The following CSMD1 variants were observed in gnomAD, a reference collection of about 807,000 sequenced individuals.
The protein encoded by CSMD1 is CUB and Sushi multiple domains 1.
CSMD1 carries 213 observed loss-of-function variants against 417.5 expected under a neutral mutation model. The observed-to-expected ratio is 0.51, with a 90% CI of 0.46 to 0.57. The LOEUF is 0.57. Among genes scored for constraint, CSMD1 ranks in the 20% least tolerant of loss-of-function variants. CSMD1 has a pLI of 0.00. For synonymous variants in CSMD1, 2,862 were observed against 1,736.8 expected (o/e 1.65, Z -16.11); for missense variants, 6,923 against 4,529.7 (o/e 1.53, Z -15.17).
chr8:4,305,821 C>T (rs1329430972), intron 3 of CSMD1, among the ~76,000 whole-genome samples: 1 of 152,158 alleles, frequency 6.6e-6, no homozygotes, highest in Non-Finnish European at 1.5e-5. Context: ...AAAACAACCT[C>T]TCATACTGTA....
intron 2 of CSMD1, among the ~76,000 whole-genome samples, chr8:4,578,824 A>C (rs1402252418): frequency 6.6e-6 from 1 of 150,600 alleles, no homozygotes; most frequent in African/African-American, 2.5e-5. Flanking sequence ...AAAAAAAAAA[A>C]AAAAACAAAC....
intron 48 of CSMD1, among the ~76,000 whole-genome samples, chr8:3,090,913 G>C (rs1023605571): frequency 1.3e-5 from 2 of 152,042 alleles, no homozygotes; most frequent in Non-Finnish European, 2.9e-5. Flanking sequence ...TGACTGATTT[G>C]ATCAATTTGT....
At chr8:3,314,329 C>T (rs967366303) in intron 23 of CSMD1, among the ~76,000 whole-genome samples, 4 of 152,080 alleles carry the variant, frequency 2.6e-5, no homozygotes, top group African/African-American at 4.8e-5. Context: ...AGAGATATTT[C>T]CATTTTAATG....
chr8:4,459,491 T>G (rs1057046626), intron 2 of CSMD1, among the ~76,000 whole-genome samples: 1 of 152,176 alleles, frequency 6.6e-6, no homozygotes, highest in African/African-American at 2.4e-5. Context: ...AAATCCAAGG[T>G]TGCTCTCAAA....
intron 10 of CSMD1, among the ~76,000 whole-genome samples, chr8:3,525,915 A>G (rs1029076477): frequency 6.6e-6 from 1 of 152,162 alleles, no homozygotes; most frequent in African/African-American, 2.4e-5. Flanking sequence ...CACCTACCAC[A>G]CACAAATCGT....
At chr8:2,960,910 G>T (rs986761555) in intron 62 of CSMD1, among the ~76,000 whole-genome samples, 3 of 132,052 alleles carry the variant, frequency 2.3e-5, no homozygotes, top group Non-Finnish European at 4.7e-5. Flanking sequence ...ATGAAATTAT[G>T]CATTATTCCA....
intron 4 of CSMD1, among the ~76,000 whole-genome samples, chr8:4,022,660 G>C (rs923635086): frequency 6.6e-6 from 1 of 152,162 alleles, no homozygotes; most frequent in Non-Finnish European, 1.5e-5. Context: ...CTCAGGGAGA[G>C]AAATGTGGTA....
At chr8:3,215,557 G>A (rs531215073) in intron 29 of CSMD1, among the ~76,000 whole-genome samples, 3 of 152,248 alleles carry the variant, frequency 2.0e-5, no homozygotes, top group East Asian at 3.9e-4. Flanking sequence ...CCACTTCTGG[G>A]GCCCCTCAAT....
chr8:4,292,948 C>T (rs536688929), intron 3 of CSMD1, among the ~76,000 whole-genome samples: 2 of 152,200 alleles, frequency 1.3e-5, no homozygotes, highest in East Asian at 3.9e-4. Context: ...AACAAGGGAC[C>T]CACAAAGCAC....
chr8:4,195,411 C>G (rs889264958), intron 3 of CSMD1, among the ~76,000 whole-genome samples: 2 of 152,054 alleles, frequency 1.3e-5, no homozygotes, highest in East Asian at 1.9e-4. Context: ...TTTGACCCAC[C>G]GATGCAAGAC....
intron 3 of CSMD1, among the ~76,000 whole-genome samples, chr8:4,290,816 T>C (rs1797320269): frequency 6.6e-6 from 1 of 152,230 alleles, no homozygotes; most frequent in African/African-American, 2.4e-5. Flanking sequence ...AATCACAATT[T>C]GTAATTAAAA....
chr8:3,095,383 T>C (rs968136543), intron 47 of CSMD1, among the ~76,000 whole-genome samples: 4 of 152,186 alleles, frequency 2.6e-5, no homozygotes, highest in Non-Finnish European at 4.4e-5. Context: ...CGTAATGAGT[T>C]ACTTCTCTCT....
Position 3,408,105 on chromosome 8 carries a change from A to T in CSMD1, c.1865T>A (p.Ile622Asn). 1 of 1,613,958 alleles carries T rather than the reference A, an allele frequency of 6.2e-7. No individual in the cohort carries two copies. The highest frequency in any genetic ancestry group is 8.5e-7 in the Non-Finnish European group (1 of 1,179,880). ...WLIISEPGSR[I>N]HLIFNDFDVE... ...ATCAAAATCATTAAAGATTAGGTGAATTCGACTTCCTGGCTCCGAGATAAT... is the reference window on the plus strand; with the variant it reads ...ATCAAAATCATTAAAGATTAGGTGATTTCGACTTCCTGGCTCCGAGATAAT... The change falls in exon 14 of 70, where the codon ATT (isoleucine) becomes AAT (asparagine). Residue 622 changes from isoleucine (I) to asparagine (N), a missense_variant. By Grantham distance (149) the Ile-to-Asn change is moderately radical (BLOSUM62 -3). Transcript: ENST00000635120.
chr8:3,329,120 T>C (rs930675003), intron 23 of CSMD1, among the ~76,000 whole-genome samples: 5 of 152,034 alleles, frequency 3.3e-5, no homozygotes, highest in Admixed American at 3.3e-4. Flanking sequence ...TGGCATAGAA[T>C]GGAGGTGGAA....
rs1803817954 is a variant in CSMD1, at chr8:4,141,960, TG to T, written c.416-109862del. Among the ~76,000 whole-genome samples the T allele has an allele frequency of 1.3e-5, 2 of 151,108 alleles. 1 individual carries two copies. Among genetic ancestry groups the T allele is most frequent in the African/African-American group, 5.0e-5 (2 of 40,400 alleles). On this transcript the variant is annotated intron_variant, in intron 3 of 69. Coordinates refer to ENST00000635120, the MANE Select transcript of CSMD1 (RefSeq NM_033225.6). The stretch of plus-strand genomic sequence containing the variant: ...CCAAAATAACATCATGGTGTTAATT[TG>T]TTTATAAATTATGACATTAAATTTC...
intron 2 of CSMD1, among the ~76,000 whole-genome samples, chr8:4,593,589 G>C (rs1022057365): frequency 1.3e-5 from 2 of 152,076 alleles, no homozygotes; most frequent in Admixed American, 6.6e-5. Flanking sequence ...AATGAAAGTA[G>C]AAAATAACAA....
chr8:4,824,428 C>A (rs1033457467), intron 1 of CSMD1, among the ~76,000 whole-genome samples: 3 of 151,924 alleles, frequency 2.0e-5, no homozygotes, highest in Non-Finnish European at 2.9e-5. Flanking sequence ...ACATGTGGTT[C>A]CGGGTAGAAA....
At chr8:4,294,971 A>T (rs1159457516) in intron 3 of CSMD1, among the ~76,000 whole-genome samples, 1 of 150,894 alleles carries the variant, frequency 6.6e-6, no homozygotes, top group African/African-American at 2.4e-5. Context: ...TATTTTTCTT[A>T]TATTTTGCCA....
rs538648513 is a variant in CSMD1 at position 4,609,374 on chromosome 8, C to G, written c.302+27968G>C. 1.1e-4 allele frequency among the ~76,000 whole-genome samples: 16 copies of G among 152,228 alleles called. No individual in the cohort carries two copies. The South Asian group carries it at 3.3e-3, about 32-fold the overall frequency. ...CGAGACTGCGTGACTGCACTCCAGC[C>G]TGGGTGACAGGGTGAGACCCTGTCT... On this transcript the variant is annotated intron_variant, in intron 2 of 69. Coordinates refer to ENST00000635120, the MANE Select transcript of CSMD1 (RefSeq NM_033225.6).
Sources: gnomAD v4.1 joint callset for allele counts (sites outside exome capture counted in the v4.1 genomes callset) on GRCh38, gnomAD v4.1.1 for gene constraint, MANE v1.5 for transcripts, NCBI Gene and HGNC (gene_info 2026-07-23, HGNC 2026-07-21) for gene names.